The following PNKD variants were observed in gnomAD, a reference collection of about 807,000 sequenced individuals.
PNKD encodes PNKD metallo-beta-lactamase domain containing.
A neutral mutation model predicts 45.3 loss-of-function variants in PNKD; 36 were observed. The observed-to-expected ratio is 0.80, with a 90% CI of 0.61 to 1.05. The LOEUF is 1.05. PNKD is among the 50% of genes least tolerant of loss of function. The probability of loss-of-function intolerance (pLI) is 0.00; values close to 1 mark genes in which losing one functional copy is unlikely to be tolerated. For missense variants in PNKD, 511 were observed against 506.6 expected (o/e 1.01, Z -0.08); for synonymous variants, 197 against 210.1 (o/e 0.94, Z 0.54).
intron 2 of PNKD, among the ~76,000 whole-genome samples, chr2:218,319,185 C>A (rs1184185157): frequency 6.6e-6 from 1 of 151,250 alleles, no homozygotes. Context: ...GAACTCCTGA[C>A]CTTGTGATCC....
intron 2 of PNKD, among the ~76,000 whole-genome samples, chr2:218,310,624 C>T (rs1157757438): frequency 7.0e-6 from 1 of 142,832 alleles, no homozygotes; most frequent in Admixed American, 7.0e-5. Context: ...TGGAGTCTCC[C>T]CCTGTCACCC....
chr2:218,276,209 A>G (rs1301674521), intron 2 of PNKD: 10 of 937,830 alleles, frequency 1.1e-5, no homozygotes, highest in Non-Finnish European at 1.6e-5. Context: ...ATGAAAGGCT[A>G]CTGCCTTTCC....
At chr2:218,334,130 A>G (rs560973390) in intron 2 of PNKD, among the ~76,000 whole-genome samples, 49 of 151,456 alleles carry the variant, frequency 3.2e-4, no homozygotes, top group South Asian at 2.1e-3. Flanking sequence ...AAACAAACAA[A>G]CACAACTTTT....
chr2:218,339,993 C>A, intron 3 of PNKD, 36 bp from the exon 4 acceptor site: 1 of 1,520,442 alleles, frequency 6.6e-7, no homozygotes, highest in Non-Finnish European at 9.1e-7. Context: ...GGGCTCCCTG[C>A]CTGTTACCCC....
At chr2:218,304,151 T>C (rs1207844938) in intron 2 of PNKD, among the ~76,000 whole-genome samples, 1 of 152,104 alleles carries the variant, frequency 6.6e-6, no homozygotes, top group Non-Finnish European at 1.5e-5. Context: ...CACACAGCTC[T>C]GTCTTTGTTT....
intron 5 of PNKD, among the ~76,000 whole-genome samples, chr2:218,341,219 T>C (rs930063909): frequency 2.0e-5 from 3 of 152,246 alleles, no homozygotes; most frequent in Admixed American, 1.3e-4. Flanking sequence ...GTATGTGATA[T>C]TTAGGTAACA....
At chr2:218,278,564 C>G in intron 2 of PNKD, 1 of 1,614,154 alleles carries the variant, frequency 6.2e-7, no homozygotes, top group East Asian at 2.2e-5. Context: ...ACGAAGACAG[C>G]ACTAGGGACA....
In PNKD at chr2:218,279,214, C is replaced by T. The variant is rs1009705862; in HGVS notation, c.236+7665C>T. On this transcript the variant is annotated intron_variant, in intron 2 of 9. Transcript: ENST00000273077. Reference sequence around the variant, plus strand: ...TGGTCACCCTGAGAGCAGGGCCCACCGCCACCCACACCCCCAGCAGGTGAC... The same window carrying T: ...TGGTCACCCTGAGAGCAGGGCCCACTGCCACCCACACCCCCAGCAGGTGAC... The T allele has an allele frequency of 7.0e-5, 108 of 1,553,224 alleles. No individual in the cohort carries two copies. The South Asian group carries it at 7.3e-4, about 11-fold the overall frequency.
chr2:218,276,602 C>G (rs1318177914), intron 2 of PNKD, among the ~76,000 whole-genome samples: 1 of 152,010 alleles, frequency 6.6e-6, no homozygotes, highest in Non-Finnish European at 1.5e-5. Context: ...ACTGTTCTCC[C>G]CCAGCTGAAC....
At chr2:218,332,711 C>A (rs1188618141) in intron 2 of PNKD, among the ~76,000 whole-genome samples, 2 of 152,074 alleles carry the variant, frequency 1.3e-5, no homozygotes, top group Non-Finnish European at 2.9e-5. Context: ...CTATCCAGGC[C>A]CCTGTCTCTC....
intron 2 of PNKD, among the ~76,000 whole-genome samples, chr2:218,285,300 G>A (rs1214819065): frequency 6.6e-6 from 1 of 152,044 alleles, no homozygotes; most frequent in Non-Finnish European, 1.5e-5. Flanking sequence ...GTGTGATGAA[G>A]TCAAAATGAG....
At chr2:218,317,634 G>A (rs1693851193) in intron 2 of PNKD, among the ~76,000 whole-genome samples, 1 of 152,352 alleles carries the variant, frequency 6.6e-6, no homozygotes, top group Non-Finnish European at 1.5e-5. Flanking sequence ...AGAAGGTAGG[G>A]AATAGAAGAC....
chr2:218,330,240 C>G (rs768541768), intron 2 of PNKD, among the ~76,000 whole-genome samples: 1 of 152,296 alleles, frequency 6.6e-6, no homozygotes, highest in South Asian at 2.1e-4. Context: ...GGCCTGAGGC[C>G]GGCCCTGGGC....
At chr2:218,344,654 C>T (rs1009160098) in intron 9 of PNKD, 84 bp downstream of exon 9, 9 of 1,400,170 alleles carry the variant, frequency 6.4e-6, no homozygotes, top group East Asian at 4.6e-5. Context: ...CCCAGGCCTG[C>T]GAGCACCTCC....
intron 7 of PNKD, 102 bp downstream of exon 7, chr2:218,342,246 A>G: frequency 1.0e-6 from 1 of 973,094 alleles, no homozygotes; most frequent in Non-Finnish European, 1.6e-6. Flanking sequence ...GTTTTAGCAC[A>G]GATGTTGCCG....
At chr2:218,270,677 G>A (rs1003641757) in intron 1 of PNKD, 75 bp downstream of exon 1, 3 of 461,782 alleles carry the variant, frequency 6.5e-6, no homozygotes, top group African/African-American at 4.0e-5. Flanking sequence ...GACGATAGCA[G>A]GAGGTCAGGG....
At chr2:218,279,283 A>G in intron 2 of PNKD, 1 of 1,576,308 alleles carries the variant, frequency 6.3e-7, no homozygotes, top group Non-Finnish European at 8.6e-7. Flanking sequence ...AAGCCTAGAG[A>G]CTTACACAAA....
intron 2 of PNKD, among the ~76,000 whole-genome samples, chr2:218,332,698 C>A (rs1437628992): frequency 1.8e-4 from 27 of 152,110 alleles, no homozygotes; most frequent in Non-Finnish European, 4.4e-5. Context: ...TTCAGCACCC[C>A]CTCTATCCAG....
At chr2:218,341,811 A>C in intron 6 of PNKD, 170 bp from the exon 7 acceptor site, 1 of 765,438 alleles carries the variant, frequency 1.3e-6, no homozygotes, top group Non-Finnish European at 2.3e-6. Flanking sequence ...TAGTCCCCAA[A>C]AGAGGAAAGG....
Sources: gnomAD v4.1 joint callset for allele counts (sites outside exome capture counted in the v4.1 genomes callset) on GRCh38, gnomAD v4.1.1 for gene constraint, MANE v1.5 for transcripts, NCBI Gene and HGNC (gene_info 2026-07-23, HGNC 2026-07-21) for gene names.